OCA2: variants seen among roughly 807,000 people sequenced by gnomAD.
OCA2 encodes OCA2 melanosomal transmembrane protein.
A neutral mutation model predicts 100.2 loss-of-function variants in OCA2; 77 were observed. The observed-to-expected ratio is 0.77, with a 90% CI of 0.64 to 0.93. The LOEUF (loss-of-function observed/expected upper bound fraction) is 0.93. OCA2 is among the 40% of genes least tolerant of loss of function. The pLI, the probability that OCA2 is intolerant of heterozygous loss-of-function variation, is 0.00. For synonymous variants in OCA2, 432 were observed against 439.2 expected, an observed-to-expected ratio of 0.98 and a Z score of 0.21; for missense variants, 1,062 against 1,089.1, an observed-to-expected ratio of 0.98 and a Z score of 0.35.
At chr15:27,823,738 C>T (rs1201199016) in intron 23 of OCA2, among the ~76,000 whole-genome samples, 1 of 152,174 alleles carries the variant, frequency 6.6e-6, no homozygotes, top group Non-Finnish European at 1.5e-5. Flanking sequence ...TCCATATTAG[C>T]TCACAGCACT....
intron 9 of OCA2, among the ~76,000 whole-genome samples, chr15:27,999,669 G>T (rs1422455214): frequency 6.6e-6 from 1 of 152,154 alleles, no homozygotes; most frequent in Non-Finnish European, 1.5e-5. Context: ...TGGAAAGGAT[G>T]AAGTTAAACT....
At chr15:28,023,240 A>G (rs987919622) in intron 5 of OCA2, among the ~76,000 whole-genome samples, 6 of 152,204 alleles carry the variant, frequency 3.9e-5, no homozygotes, top group African/African-American at 1.4e-4. Context: ...AGCCAAAAAT[A>G]TCAAATCGTG....
chr15:27,957,790 C>T lies in OCA2; in HGVS notation c.1637-55G>A. On this transcript the variant is annotated intron_variant, in intron 15 of 23. Coordinates refer to ENST00000354638, the MANE Select transcript of OCA2 (RefSeq NM_000275.3). The surrounding 1 kb of genome is among the most constrained non-coding windows in gnomAD (Gnocchi z 4.3). The stretch of plus-strand genomic sequence containing the variant: ...CTCCCATGACCTCAGATATCAGCAA[C>T]ACCCTCCTCTGTTCCCCACACAGTC... The T allele has an allele frequency of 6.2e-7, 1 of 1,600,644 alleles. No individual in the cohort carries two copies. The highest frequency in any genetic ancestry group is 8.5e-7 in the Non-Finnish European group (1 of 1,170,082).
At chr15:27,912,523 T>A (rs993236360) in intron 19 of OCA2, among the ~76,000 whole-genome samples, 1 of 152,108 alleles carries the variant, frequency 6.6e-6, no homozygotes, top group African/African-American at 2.4e-5. Flanking sequence ...ACAAAATAAA[T>A]AACAATAGTA....
intron 14 of OCA2, among the ~76,000 whole-genome samples, chr15:27,976,634 T>C (rs886982912): frequency 5.9e-5 from 9 of 152,186 alleles, no homozygotes; most frequent in Non-Finnish European, 2.9e-5. Context: ...TATTTAGATA[T>C]TGTTAAATTG....
chr15:28,019,239 T>C (rs1321579225), intron 6 of OCA2, among the ~76,000 whole-genome samples: 5 of 146,706 alleles, frequency 3.4e-5, no homozygotes, highest in Non-Finnish European at 7.5e-5. Flanking sequence ...AGGGAGAGAA[T>C]AGGGAGAATG....
In OCA2 at chr15:28,080,587, G is replaced by A. The variant is rs185261071; in HGVS notation, c.227+1061C>T. Among the ~76,000 whole-genome samples, 62 of 152,336 alleles carry A rather than the reference G, an allele frequency of 4.1e-4. No homozygotes were observed. The East Asian group carries it at 7.3e-3, about 18-fold the overall frequency. On this transcript the variant is annotated intron_variant, in intron 2 of 23. Transcript: ENST00000354638. ...CAGTGAAAGCATGAGCACGCAAGCT[G>A]GGGAGCTCCCCCTGGAGCGGGCAGG...
At chr15:27,926,079 T>A (rs368419883) in intron 19 of OCA2, 48 bp downstream of exon 19, 31 of 1,605,314 alleles carry the variant, frequency 1.9e-5, no homozygotes, top group Non-Finnish European at 2.6e-5. Flanking sequence ...AAACATGAAA[T>A]ACAAAAATCA....
intron 19 of OCA2, among the ~76,000 whole-genome samples, chr15:27,904,419 C>T (rs184274190): frequency 1.8e-4 from 28 of 152,114 alleles, no homozygotes; most frequent in Non-Finnish European, 8.8e-5. Context: ...CACTACAGTG[C>T]GGGGTGTATC....
At position 27,758,897 on chromosome 15, in the gene OCA2, G is replaced by C. The variant is rs115943237; in HGVS notation, c.2433-3425C>G. 3.2e-3 allele frequency among the ~76,000 whole-genome samples: 480 copies of C among 152,210 alleles called. 3 individuals carry two copies. The highest frequency in any genetic ancestry group is 0.011 in the African/African-American group (437 of 41,550). ...GGAGAAAGAGGGCAGGGATGAAAAA[G>C]TATTCAAAGAAATAATGATTAAAAA... On this transcript the variant is annotated intron_variant, in intron 23 of 23. Transcript: ENST00000354638.
chr15:27,907,632 G>A (rs994165874), intron 19 of OCA2, among the ~76,000 whole-genome samples: 4 of 151,884 alleles, frequency 2.6e-5, no homozygotes, highest in African/African-American at 9.7e-5. Context: ...GGGGAAAAGG[G>A]GGAAAAAGCA....
At chr15:27,849,035 G>C (rs964862961) in intron 22 of OCA2, among the ~76,000 whole-genome samples, 3 of 119,614 alleles carry the variant, frequency 2.5e-5, no homozygotes, top group African/African-American at 9.9e-5. Flanking sequence ...ACACAGCCAC[G>C]TGCTGTCTGG....
chr15:28,078,938 C>G (rs1002086457), intron 2 of OCA2, among the ~76,000 whole-genome samples: 5 of 152,088 alleles, frequency 3.3e-5, no homozygotes, highest in African/African-American at 4.8e-5. Context: ...GTAACTGACC[C>G]AAGAAATTGC....
Position 28,022,487 on chromosome 15 carries a change from T to C in OCA2, c.646+14A>G, listed in dbSNP as rs1254046197. On this transcript the variant is annotated intron_variant, in intron 6 of 23. Coordinates refer to ENST00000354638, the MANE Select transcript of OCA2 (RefSeq NM_000275.3). ...AGCCAGGCGGCTGGCCATCTCAGAG[T>C]GGATTTTGGATACAGTAGTTCTCCA... is the stretch of plus-strand genomic sequence containing the variant. 2 of 1,601,538 alleles carry C rather than the reference T, an allele frequency of 1.2e-6. No homozygotes were observed. Among genetic ancestry groups the C allele is most frequent in the African/African-American group, 2.7e-5 (2 of 74,668 alleles).
At chr15:28,013,213 T>C (rs796075649) in intron 9 of OCA2, among the ~76,000 whole-genome samples, 3 of 152,230 alleles carry the variant, frequency 2.0e-5, no homozygotes, top group African/African-American at 7.2e-5. Context: ...TTGTAGTCTG[T>C]AGGAAATAGG....
Position 28,005,976 on chromosome 15 carries a change from G to A in OCA2, c.1044+8800C>T, listed in dbSNP as rs927636423. ...TCCTTGAGAAGCGCCACACCCTGGTGAGAAATGTGGACTCCAAAGGCAGCC... is the reference window on the plus strand; with the variant it reads ...TCCTTGAGAAGCGCCACACCCTGGTAAGAAATGTGGACTCCAAAGGCAGCC... On this transcript the variant is annotated intron_variant, in intron 9 of 23. Transcript: ENST00000354638. Among the ~76,000 whole-genome samples the A allele has an allele frequency of 2.6e-5, 4 of 152,294 alleles. No homozygotes were observed. In the East Asian group the frequency reaches 5.8e-4, roughly 22 times the overall value.
chr15:27,809,239 C>A (rs780205711), intron 23 of OCA2, among the ~76,000 whole-genome samples: 1 of 152,230 alleles, frequency 6.6e-6, no homozygotes, highest in Non-Finnish European at 1.5e-5. Flanking sequence ...CACTGGCATT[C>A]TTTCCTCTCT....
At chr15:27,794,702 G>C (rs1357622565) in intron 23 of OCA2, among the ~76,000 whole-genome samples, 2 of 152,168 alleles carry the variant, frequency 1.3e-5, no homozygotes, top group African/African-American at 4.8e-5. Flanking sequence ...ACTCCCAAAT[G>C]ATGGTGTAGA....
chr15:28,050,782 C>T (rs1433252086), intron 2 of OCA2, among the ~76,000 whole-genome samples: 2 of 152,196 alleles, frequency 1.3e-5, no homozygotes, highest in African/African-American at 2.4e-5. Flanking sequence ...ACAGACATGC[C>T]GAGTGCAGGT....
Sources: allele counts gnomAD v4.1 joint callset (sites outside exome capture counted in the v4.1 genomes callset), GRCh38; gene constraint gnomAD v4.1.1; non-coding constraint Gnocchi (gnomAD v3.1); transcripts MANE v1.5; gene names NCBI Gene and HGNC (gene_info 2026-07-23, HGNC 2026-07-21).